CNTN4: variants seen among roughly 807,000 people sequenced by gnomAD.
The protein encoded by CNTN4 is contactin 4.
CNTN4 carries 77 observed loss-of-function variants against 122.5 expected under a neutral mutation model. That is an observed-to-expected ratio of 0.63 (90% CI 0.52 to 0.76). The LOEUF (loss-of-function observed/expected upper bound fraction) is 0.76, where lower values mean the gene tolerates loss of function less well. Among genes scored for constraint, CNTN4 ranks in the 30% least tolerant of loss-of-function variants. CNTN4 has a pLI of 0.00. For synonymous variants in CNTN4, 512 were observed against 447.0 expected, an observed-to-expected ratio of 1.15 and a Z score of -1.83; for missense variants, 1,256 against 1,259.1, an observed-to-expected ratio of 1.00 and a Z score of 0.04.
chr3:2,379,130 C>A (rs2045927450), intron 3 of CNTN4, among the ~76,000 whole-genome samples: 1 of 152,172 alleles, frequency 6.6e-6, no homozygotes, highest in South Asian at 2.1e-4. Context: ...AATAACAACA[C>A]AAGCAGCATA....
chr3:2,283,269 A>G (rs1461384441), intron 2 of CNTN4, among the ~76,000 whole-genome samples: 1 of 152,152 alleles, frequency 6.6e-6, no homozygotes, highest in Non-Finnish European at 1.5e-5. Context: ...GTAAGTCTCA[A>G]TTTCAGGGAG....
intron 16 of CNTN4, among the ~76,000 whole-genome samples, chr3:3,031,603 C>T (rs1699171496): frequency 6.6e-6 from 1 of 152,050 alleles, no homozygotes; most frequent in Admixed American, 6.6e-5. Context: ...GGCTGAGCAA[C>T]ACCAACTGAG....
chr3:3,012,983 A>T (rs537799737), intron 14 of CNTN4, among the ~76,000 whole-genome samples: 59 of 151,268 alleles, frequency 3.9e-4, no homozygotes, highest in African/African-American at 1.1e-3. Flanking sequence ...ATAAAAAAAT[A>T]AAAAAAACCC....
chr3:2,152,937 C>T (rs929090363), intron 2 of CNTN4, among the ~76,000 whole-genome samples: 1 of 152,160 alleles, frequency 6.6e-6, no homozygotes, highest in Non-Finnish European at 1.5e-5. Context: ...ACAGAGCCAC[C>T]CCAGCTAAGC....
At chr3:2,821,843 T>C (rs1279959646) in intron 7 of CNTN4, among the ~76,000 whole-genome samples, 1 of 152,230 alleles carries the variant, frequency 6.6e-6, no homozygotes, top group Non-Finnish European at 1.5e-5. Context: ...ATTGCCTTAA[T>C]TTTCAGTTTG....
At position 2,832,471 on chromosome 3, in the gene CNTN4, G is replaced by A. The variant is rs190970934; in HGVS notation, c.454+12890G>A. On this transcript the variant is annotated intron_variant, in intron 7 of 24. Transcript: ENST00000418658. ...GTTCAGTGACCATGTAAAATAGAAG[G>A]ACATCATGTGGATTGGGGAGTCAGA... is the stretch of plus-strand genomic sequence containing the variant. Among the ~76,000 whole-genome samples, 117 of 152,282 alleles carry A rather than the reference G, an allele frequency of 7.7e-4. 1 individual carries two copies. Among genetic ancestry groups the A allele is most frequent in the African/African-American group, 2.6e-3 (109 of 41,566 alleles).
At chr3:2,534,215 C>T (rs1219431288) in intron 3 of CNTN4, among the ~76,000 whole-genome samples, 2 of 152,110 alleles carry the variant, frequency 1.3e-5, no homozygotes, top group African/African-American at 2.4e-5. Flanking sequence ...CCTAGGTTTT[C>T]TTCTAGGGTT....
chr3:2,182,337 G>C (rs75869228), intron 2 of CNTN4, among the ~76,000 whole-genome samples: 2,363 of 151,928 alleles, frequency 0.016, 53 homozygotes, highest in African/African-American at 0.053. Context: ...TCCAAAAAAA[G>C]ATTCTCAATA....
chr3:2,310,334 A>G (rs1324610422), intron 2 of CNTN4, among the ~76,000 whole-genome samples: 1 of 152,172 alleles, frequency 6.6e-6, no homozygotes, highest in Non-Finnish European at 1.5e-5. Context: ...AACATTGGCT[A>G]TGACTGACAC....
intron 13 of CNTN4, among the ~76,000 whole-genome samples, chr3:2,937,121 GT>G (rs1340816637): frequency 5.9e-5 from 9 of 152,292 alleles, no homozygotes; most frequent in African/African-American, 2.2e-4. Flanking sequence ...CCCACCTTGG[GT>G]TTTTTGTTTG....
chr3:2,481,566 C>G (rs2076007770), intron 3 of CNTN4, among the ~76,000 whole-genome samples: 1 of 152,120 alleles, frequency 6.6e-6, no homozygotes, highest in African/African-American at 2.4e-5. Flanking sequence ...CAAAATGGAT[C>G]AAAGACCGAC....
chr3:2,484,046 G>A (rs897081349), intron 3 of CNTN4, among the ~76,000 whole-genome samples: 22 of 151,994 alleles, frequency 1.4e-4, no homozygotes, highest in African/African-American at 4.3e-4. Flanking sequence ...GAAAACATTG[G>A]CAAAGACATA....
At chr3:2,676,911 A>G (rs1038577497) in intron 4 of CNTN4, among the ~76,000 whole-genome samples, 1 of 152,214 alleles carries the variant, frequency 6.6e-6, no homozygotes, top group Non-Finnish European at 1.5e-5. Flanking sequence ...TCCTTAATTG[A>G]AAGATGTTTG....
intron 11 of CNTN4, among the ~76,000 whole-genome samples, chr3:2,901,445 G>A (rs2094172442): frequency 6.6e-6 from 1 of 152,128 alleles, no homozygotes; most frequent in Non-Finnish European, 1.5e-5. Flanking sequence ...TTACATGACA[G>A]GAAGAGAAAG....
intron 4 of CNTN4, among the ~76,000 whole-genome samples, chr3:2,637,607 G>GA (rs1276294529): frequency 1.3e-5 from 2 of 152,076 alleles, no homozygotes; most frequent in African/African-American, 2.4e-5. Flanking sequence ...ACTGAGCTCT[G>GA]AAGGTACCTC....
intron 4 of CNTN4, among the ~76,000 whole-genome samples, chr3:2,674,406 C>A (rs1013330338): frequency 6.6e-6 from 1 of 152,156 alleles, no homozygotes; most frequent in South Asian, 2.1e-4. Flanking sequence ...TTTACTGTTT[C>A]TTTGTGTTGG....
chr3:2,328,811 G>A (rs58043313), intron 2 of CNTN4, among the ~76,000 whole-genome samples: 12 of 151,852 alleles, frequency 7.9e-5, no homozygotes, highest in African/African-American at 1.2e-4. Flanking sequence ...ATGTAAATAC[G>A]ACATCACTTT....
intron 13 of CNTN4, among the ~76,000 whole-genome samples, chr3:2,974,078 A>G (rs998714446): frequency 2.6e-5 from 4 of 152,236 alleles, no homozygotes; most frequent in African/African-American, 9.6e-5. Context: ...TGGTCCTAGC[A>G]TATCTGAACA....
chr3:2,759,713 CA>C (rs71058642), intron 6 of CNTN4, among the ~76,000 whole-genome samples: 3,008 of 141,802 alleles, frequency 0.021, 33 homozygotes, highest in South Asian at 0.051. Context: ...GACTCTGTCT[CA>C]AAAAAAAAAA....
Sources: allele counts gnomAD v4.1 joint callset (sites outside exome capture counted in the v4.1 genomes callset), GRCh38; gene constraint gnomAD v4.1.1; transcripts MANE v1.5; gene names NCBI Gene and HGNC (gene_info 2026-07-23, HGNC 2026-07-21).